The following STK32B variants were observed in gnomAD, a reference collection of about 807,000 sequenced individuals.
STK32B encodes the protein serine/threonine kinase 32B, also known as serine/threonine-protein kinase 32B.
In STK32B, 43 loss-of-function variants were observed where a neutral mutation model predicts 52.6. The observed-to-expected ratio is 0.82, with a 90% CI of 0.64 to 1.05. STK32B has a LOEUF of 1.05. Ranked by LOEUF, STK32B falls within the 50% of genes least tolerant of loss-of-function variation. The pLI is 0.00. For synonymous variants in STK32B, 238 were observed against 204.3 expected, an observed-to-expected ratio of 1.17 and a Z score of -1.41; for missense variants, 621 against 534.6, an observed-to-expected ratio of 1.16 and a Z score of -1.59.
At chr4:5,292,121 T>G (rs1200302168) in intron 3 of STK32B, among the ~76,000 whole-genome samples, 2 of 152,154 alleles carry the variant, frequency 1.3e-5, no homozygotes, top group Non-Finnish European at 2.9e-5. Context: ...CAGCGGTCTT[T>G]TTTGGTACAA....
chr4:5,317,108 TAA>T (rs1491318504), intron 3 of STK32B, among the ~76,000 whole-genome samples: 7 of 39,150 alleles, frequency 1.8e-4, no homozygotes, highest in South Asian at 1.4e-3. Flanking sequence ...ATATAATATA[TAA>T]TATATATAAT....
chr4:5,425,454 A>C (rs1379739147), intron 6 of STK32B, among the ~76,000 whole-genome samples: 4 of 134,218 alleles, frequency 3.0e-5, no homozygotes, highest in Non-Finnish European at 1.7e-5. Flanking sequence ...CTTTCCTGAG[A>C]ACCATTCATT....
Position 5,499,785 on chromosome 4 carries a change from C to G in STK32B, c.*702C>G, listed in dbSNP as rs1037583032. 5.3e-5 allele frequency: 8 copies of G among 152,358 alleles called. No individual in the cohort carries two copies. Among genetic ancestry groups the G allele is most frequent in the African/African-American group, 1.9e-4 (8 of 41,452 alleles). 9.4% of individuals were successfully genotyped at this position (152,358 alleles called of 1,614,324 possible). A position where few individuals can be genotyped will look rare whatever the true frequency, so the allele number is the denominator to read the frequency against. Reference sequence around the variant, plus strand: ...CAGCAGTCCTCACCACCACCATATCCCCAGTGCTGGGATGGCACACAGGTG... The same window carrying G: ...CAGCAGTCCTCACCACCACCATATCGCCAGTGCTGGGATGGCACACAGGTG... On this transcript the variant is annotated 3_prime_UTR_variant, in exon 12 of 12. Coordinates refer to ENST00000282908, the MANE Select transcript of STK32B (RefSeq NM_018401.3).
chr4:5,139,128 G>A (rs1716250022), intron 1 of STK32B, among the ~76,000 whole-genome samples: 1 of 152,182 alleles, frequency 6.6e-6, no homozygotes, highest in Non-Finnish European at 1.5e-5. Flanking sequence ...CATAGGGGTA[G>A]ACAGGTGTGA....
chr4:5,278,690 T>C (rs1222283820), intron 3 of STK32B, among the ~76,000 whole-genome samples: 1 of 152,176 alleles, frequency 6.6e-6, no homozygotes, highest in East Asian at 1.9e-4. Context: ...CTTCTAACAC[T>C]ACTATAAAGA....
At chr4:5,334,548 T>C (rs909611592) in intron 4 of STK32B, among the ~76,000 whole-genome samples, 5 of 152,218 alleles carry the variant, frequency 3.3e-5, no homozygotes, top group African/African-American at 1.2e-4. Context: ...CATCCGTGTC[T>C]TGTGCCAGTT....
chr4:5,434,119 G>T (rs1380964878), intron 6 of STK32B, among the ~76,000 whole-genome samples: 1 of 152,278 alleles, frequency 6.6e-6, no homozygotes, highest in Admixed American at 6.5e-5. Context: ...CTGGTGCCCA[G>T]TGTCCGCCCA....
intron 3 of STK32B, among the ~76,000 whole-genome samples, chr4:5,294,846 G>C (rs1729095222): frequency 6.6e-6 from 1 of 152,100 alleles, no homozygotes; most frequent in Non-Finnish European, 1.5e-5. Flanking sequence ...TCCTTGTCTT[G>C]TGTCAGTTTT....
Position 5,386,588 on chromosome 4 carries a change from C to T in STK32B, c.435-11619C>T, listed in dbSNP as rs1478086715. On this transcript the variant is annotated intron_variant, in intron 4 of 11. Transcript: ENST00000282908. The surrounding 1 kb of genome is among the most constrained non-coding windows in gnomAD (Gnocchi z 4.5). ...GAGAAACACAATTATTTCTTAGATC[C>T]CTTTTGGCTCTAAAATACCTTTCCC... 1.3e-5 allele frequency among the ~76,000 whole-genome samples: 2 copies of T among 152,142 alleles called. No individual in the cohort carries two copies. Among genetic ancestry groups the T allele is most frequent in the African/African-American group, 4.8e-5 (2 of 41,428 alleles).
At chr4:5,039,879 G>A in the STK32B span, among the ~76,000 whole-genome samples, 2 of 152,214 alleles carry the variant, frequency 1.3e-5, no homozygotes, top group Non-Finnish European at 2.9e-5. Flanking sequence ...GCACACGACT[G>A]TTAAGTGGTA....
intron 11 of STK32B, among the ~76,000 whole-genome samples, chr4:5,488,450 T>A (rs932925680): frequency 5.3e-5 from 8 of 152,212 alleles, no homozygotes; most frequent in East Asian, 1.9e-4. Context: ...GGGAACTTTT[T>A]TTTTAGTTTT....
At chr4:5,490,556 T>C (rs1719635828) in intron 11 of STK32B, among the ~76,000 whole-genome samples, 1 of 152,076 alleles carries the variant, frequency 6.6e-6, no homozygotes, top group Non-Finnish European at 1.5e-5. Context: ...CAGAGCCTCG[T>C]CTTTTTTTTT....
intron 6 of STK32B, among the ~76,000 whole-genome samples, chr4:5,443,982 G>A (rs866977497): frequency 7.9e-5 from 12 of 152,186 alleles, no homozygotes; most frequent in African/African-American, 2.9e-4. Flanking sequence ...CTGCGTGCTG[G>A]GAGAACCACT....
At chr4:5,483,359 T>A (rs963060106) in intron 11 of STK32B, among the ~76,000 whole-genome samples, 4 of 152,084 alleles carry the variant, frequency 2.6e-5, no homozygotes, top group African/African-American at 9.7e-5. Context: ...TTCTAGATTT[T>A]CTAGTTTATT....
At chr4:5,471,292 TGAG>T (rs1465678616) in intron 11 of STK32B, among the ~76,000 whole-genome samples, 2 of 152,144 alleles carry the variant, frequency 1.3e-5, no homozygotes, top group Non-Finnish European at 2.9e-5. Flanking sequence ...TGAGTTATGA[TGAG>T]GTCAGACTGG....
At chr4:5,111,534 G>T (rs1056802759) in intron 1 of STK32B, among the ~76,000 whole-genome samples, 20 of 152,076 alleles carry the variant, frequency 1.3e-4, no homozygotes, top group African/African-American at 3.9e-4. Flanking sequence ...AATATTACAT[G>T]TTCTCACTTA....
At chr4:5,284,627 T>A (rs777226470) in intron 3 of STK32B, among the ~76,000 whole-genome samples, 2 of 152,160 alleles carry the variant, frequency 1.3e-5, no homozygotes, top group Non-Finnish European at 2.9e-5. Context: ...TAGTGTGAAA[T>A]TATAACTGCA....
At chr4:5,231,277 T>C (rs1724248523) in intron 3 of STK32B, among the ~76,000 whole-genome samples, 1 of 152,070 alleles carries the variant, frequency 6.6e-6, no homozygotes, top group East Asian at 1.9e-4. Context: ...AGACACTCAA[T>C]AAATATCATT....
rs151283143 is a variant in STK32B at position 5,063,896 on chromosome 4, C to T, written c.52+11981C>T. ...AATAGTATTTCATTGTTTTAAATTGCGTTTTTATTGAGGTTGAAGTGTCTT... is the reference window on the plus strand; with the variant it reads ...AATAGTATTTCATTGTTTTAAATTGTGTTTTTATTGAGGTTGAAGTGTCTT... On this transcript the variant is annotated intron_variant, in intron 1 of 11. Transcript: ENST00000282908. 7.4e-3 allele frequency among the ~76,000 whole-genome samples: 1,126 copies of T among 152,112 alleles called. 42 individuals carry two copies. The highest frequency in any genetic ancestry group is 0.064 in the Admixed American group (983 of 15,262).
Sources: allele counts gnomAD v4.1 joint callset (sites outside exome capture counted in the v4.1 genomes callset), GRCh38; gene constraint gnomAD v4.1.1; non-coding constraint Gnocchi (gnomAD v3.1); transcripts MANE v1.5; gene names NCBI Gene and HGNC (gene_info 2026-07-23, HGNC 2026-07-21).